TRPM6: variants seen among roughly 807,000 people sequenced by gnomAD.
The protein encoded by TRPM6 is channel kinase 2.
TRPM6 carries 111 observed loss-of-function variants against 247.6 expected under a neutral mutation model. The observed-to-expected ratio is 0.45, with a 90% CI of 0.38 to 0.52. The LOEUF (loss-of-function observed/expected upper bound fraction) is 0.52, where lower values mean the gene tolerates loss of function less well. Among genes scored for constraint, TRPM6 ranks in the 20% least tolerant of loss-of-function variants. The pLI is 0.00. For missense variants in TRPM6, 2,126 were observed against 2,421.5 expected (o/e 0.88, Z 2.56); for synonymous variants, 892 against 853.8 (o/e 1.04, Z -0.78).
At chr9:74,808,268 A>G (rs1828603660) in intron 13 of TRPM6, 94 bp from the exon 14 acceptor site, 2 of 1,483,364 alleles carry the variant, frequency 1.3e-6, no homozygotes, top group South Asian at 1.1e-5. Flanking sequence ...TAATTGCAAG[A>G]AGGTAGACAT....
chr9:74,810,700 G>T, intron 13 of TRPM6, 115 bp downstream of exon 13: 1 of 870,058 alleles, frequency 1.1e-6, no homozygotes, highest in East Asian at 2.4e-5. Flanking sequence ...AAAGAAGATA[G>T]GTAATTAACA....
Position 74,771,877 on chromosome 9 carries a change from C to T in TRPM6, c.3404-42G>A, listed in dbSNP as rs369541261. 11 of 1,598,720 alleles carry T rather than the reference C, an allele frequency of 6.9e-6. No individual in the cohort carries two copies. In the African/African-American group the frequency reaches 1.2e-4, roughly 18 times the overall value. ...GAAACACAGAAAGAATCATTATTCA[C>T]CTCAGGGCATGAGTGGCTTTTCTTC... On this transcript the variant is annotated intron_variant, in intron 24 of 38. Coordinates refer to ENST00000360774, the MANE Select transcript of TRPM6 (RefSeq NM_017662.5).
Position 74,763,133 on chromosome 9 carries a change from C to T in TRPM6, c.3538G>A (p.Val1180Ile), listed in dbSNP as rs1254144160. The T allele has an allele frequency of 6.2e-7, 1 of 1,609,066 alleles. No homozygotes were observed. The highest frequency in any genetic ancestry group is 8.5e-7 in the Non-Finnish European group (1 of 1,179,952). ...EERIRVTSER[V>I]TEMYFQLKEM... ...TTCAGCTGGAAGTACATCTCTGTAA[C>T]CCTAGTGGTGAAGGAAGGGAGAAAA... The change falls in exon 26 of 39, where the codon GTT becomes ATT. Residue 1180 changes from valine (V) to isoleucine (I), a missense_variant and splice_region_variant. By Grantham distance (29) the Val-to-Ile change is conservative. Transcript: ENST00000360774.
At chr9:74,752,186 C>T in intron 29 of TRPM6, 91 bp downstream of exon 29, 1 of 723,116 alleles carries the variant, frequency 1.4e-6, no homozygotes, top group Non-Finnish European at 2.4e-6. Flanking sequence ...AAGTAGAAGC[C>T]AATTAAGGGA....
chr9:74,880,194 A>T (rs1014984238), intron 1 of TRPM6, among the ~76,000 whole-genome samples: 16 of 152,210 alleles, frequency 1.1e-4, no homozygotes, highest in Non-Finnish European at 2.1e-4. Context: ...TCTATGTGAC[A>T]TATGAGGCAC....
intron 19 of TRPM6, among the ~76,000 whole-genome samples, chr9:74,789,894 G>A (rs1019503184): frequency 1.4e-5 from 2 of 147,124 alleles, no homozygotes; most frequent in Non-Finnish European, 3.0e-5. Flanking sequence ...CCAGAAGGCC[G>A]AGGTTGCAGT....
intron 31 of TRPM6, 150 bp from the exon 32 acceptor site, chr9:74,744,295 C>T (rs549444445): frequency 3.9e-6 from 3 of 764,230 alleles, no homozygotes; most frequent in African/African-American, 3.4e-5. Flanking sequence ...TTTTTAACCA[C>T]AGTATTGCGC....
chr9:74,848,368 G>T (rs929013923), intron 3 of TRPM6, among the ~76,000 whole-genome samples: 1 of 152,126 alleles, frequency 6.6e-6, no homozygotes. Flanking sequence ...AGCCACTAAC[G>T]GGTGGGGAGC....
At position 74,724,276 on chromosome 9, in the gene TRPM6, C is replaced by G. The variant is rs905327081; in HGVS notation, c.*337G>C. The G allele has an allele frequency of 1.8e-5, 7 of 378,954 alleles. No homozygotes were observed. Among genetic ancestry groups the G allele is most frequent in the African/African-American group, 8.3e-5 (4 of 48,390 alleles). 23.5% of individuals were successfully genotyped at this position (378,954 alleles called of 1,614,324 possible). Reference sequence around the variant, plus strand: ...AGAAAATAAAATAAATGTATCCCCCCCAACCCCATCCTTTAATGTGCAGGA... The same window carrying G: ...AGAAAATAAAATAAATGTATCCCCCGCAACCCCATCCTTTAATGTGCAGGA... On this transcript the variant is annotated 3_prime_UTR_variant, in exon 39 of 39. Coordinates refer to ENST00000360774, the MANE Select transcript of TRPM6 (RefSeq NM_017662.5).
intron 1 of TRPM6, among the ~76,000 whole-genome samples, chr9:74,871,772 T>G (rs111279924): frequency 2.6e-5 from 4 of 152,080 alleles, no homozygotes; most frequent in Middle Eastern, 3.4e-3. Flanking sequence ...CTTGAACTCT[T>G]GGGCTCAAGC....
intron 27 of TRPM6, among the ~76,000 whole-genome samples, chr9:74,760,096 ACAT>A (rs1018606252): frequency 1.3e-5 from 2 of 152,242 alleles, no homozygotes; most frequent in South Asian, 2.1e-4. Flanking sequence ...AGCTGTGATA[ACAT>A]CGTAGCACAT....
chr9:74,785,983 G>T lies in TRPM6; in HGVS notation c.2810C>A (p.Ala937Glu). 6.2e-7 allele frequency: 1 copy of T among 1,614,182 alleles called. No homozygotes were observed. Among genetic ancestry groups the T allele is most frequent in the Non-Finnish European group, 8.5e-7 (1 of 1,180,032 alleles). The change falls in exon 21 of 39, where the codon GCG becomes GAG. Residue 937 changes from alanine to glutamate, a missense_variant. By Grantham distance (107) the Ala-to-Glu change is moderately radical. Transcript: ENST00000360774. ...GTCTATGCAGTAGATCAGTCTTCCC[G>T]CTGTGTGAAAAGGAGGGTCACCCCA... is the stretch of plus-strand genomic sequence containing the variant. ...LRWGDPPFHT[A>E]GRLIYCIDII...
intron 37 of TRPM6, among the ~76,000 whole-genome samples, chr9:74,731,457 A>G (rs1793131583): frequency 6.6e-6 from 1 of 151,886 alleles, no homozygotes. Flanking sequence ...AGTCAAATAA[A>G]TATCATAGGA....
chr9:74,782,607 T>G, intron 22 of TRPM6, 72 bp downstream of exon 22: 1 of 1,558,104 alleles, frequency 6.4e-7, no homozygotes, highest in Non-Finnish European at 8.9e-7. Context: ...AGATGATTGT[T>G]TTTCAGATGT....
chr9:74,808,317 A>C (rs1587529160), intron 13 of TRPM6, 143 bp from the exon 14 acceptor site: 3 of 1,030,934 alleles, frequency 2.9e-6, no homozygotes. Context: ...AATTTAAGTG[A>C]CCAGCCATTG....
chr9:74,755,809 GA>G (rs772072738), intron 27 of TRPM6, among the ~76,000 whole-genome samples: 31 of 152,110 alleles, frequency 2.0e-4, no homozygotes, highest in Non-Finnish European at 3.7e-4. Context: ...CTGGAAGGAG[GA>G]AGAATTTGAA....
intron 19 of TRPM6, among the ~76,000 whole-genome samples, chr9:74,792,339 T>C (rs528789653): frequency 6.1e-4 from 93 of 152,258 alleles, no homozygotes; most frequent in Non-Finnish European, 9.7e-4. Flanking sequence ...AGCTAAGCAA[T>C]AGGGCAAAGC....
chr9:74,789,435 C>G (rs1267718306), intron 19 of TRPM6, among the ~76,000 whole-genome samples: 1 of 152,176 alleles, frequency 6.6e-6, no homozygotes, highest in Admixed American at 6.5e-5. Context: ...CATATAGATA[C>G]ATAGTGATTA....
intron 25 of TRPM6, among the ~76,000 whole-genome samples, chr9:74,764,681 A>C (rs893469353): frequency 1.3e-5 from 2 of 152,244 alleles, no homozygotes; most frequent in Non-Finnish European, 2.9e-5. Context: ...TTCATGAGTG[A>C]TGGAATAAAT....
Sources: allele counts gnomAD v4.1 joint callset (sites outside exome capture counted in the v4.1 genomes callset), GRCh38; gene constraint gnomAD v4.1.1; transcripts MANE v1.5; gene names NCBI Gene and HGNC (gene_info 2026-07-23, HGNC 2026-07-21).